The following CHN1 variants were observed in gnomAD, a reference collection of about 807,000 sequenced individuals.
CHN1 encodes chimerin 1, also known as N-chimaerin.
In CHN1, 37 loss-of-function variants were observed where a neutral mutation model predicts 59.5. The observed-to-expected ratio is 0.62, with a 90% confidence interval of 0.48 to 0.82. The LOEUF (loss-of-function observed/expected upper bound fraction) is 0.82, where lower values mean the gene tolerates loss of function less well. CHN1 is among the 40% of genes least tolerant of loss of function. The pLI, the probability that CHN1 is intolerant of heterozygous loss-of-function variation, is 0.00. For missense variants in CHN1, 469 were observed against 571.0 expected (o/e 0.82, Z 1.82); for synonymous variants, 206 against 200.4 (o/e 1.03, Z -0.24).
At chr2:174,886,616 G>A (rs1687902938) in intron 5 of CHN1, among the ~76,000 whole-genome samples, 1 of 152,170 alleles carries the variant, frequency 6.6e-6, no homozygotes, top group Admixed American at 6.5e-5. Flanking sequence ...CATGGGTTTT[G>A]TGATGGGTAT....
At chr2:174,830,360 C>G (rs1685836436) in intron 7 of CHN1, among the ~76,000 whole-genome samples, 2 of 152,148 alleles carry the variant, frequency 1.3e-5, no homozygotes, top group African/African-American at 2.4e-5. Flanking sequence ...GCAAGAAATA[C>G]ATACAAGAGT....
At chr2:174,918,659 T>G in intron 3 of CHN1, 94 bp from the exon 4 acceptor site, 1 of 1,042,130 alleles carries the variant, frequency 9.6e-7, no homozygotes, top group Non-Finnish European at 1.4e-6. Context: ...GTAAAGCATA[T>G]ATTAAAAAAA....
rs562328333 is a variant in CHN1 at position 174,799,325 on chromosome 2, C to T, written c.*791G>A. On this transcript the variant is annotated 3_prime_UTR_variant, in exon 13 of 13. Transcript: ENST00000409900. ...TAAACAAAAGAGGTCAGAAGAAGTA[C>T]TCAGTATTTAATAAATGGCCAAACA... 8.6e-5 allele frequency: 33 copies of T among 382,930 alleles called. No individual in the cohort carries two copies. In the Admixed American group the frequency reaches 1.2e-3, roughly 14 times the overall value. The allele number at this position is 382,930 out of a possible 1,614,324, so 23.7% of individuals were successfully genotyped here.
At chr2:174,863,880 T>A (rs1687137817) in intron 6 of CHN1, among the ~76,000 whole-genome samples, 1 of 152,180 alleles carries the variant, frequency 6.6e-6, no homozygotes, top group Non-Finnish European at 1.5e-5. Flanking sequence ...ACACTGATCG[T>A]CAGCACTTTA....
intron 7 of CHN1, among the ~76,000 whole-genome samples, chr2:174,835,669 C>T (rs1686052606): frequency 6.6e-6 from 1 of 150,548 alleles, no homozygotes; most frequent in East Asian, 1.9e-4. Flanking sequence ...ATCTAATATG[C>T]TGTTAATATA....
chr2:174,888,172 T>C (rs1687945250), intron 5 of CHN1, among the ~76,000 whole-genome samples: 3 of 152,148 alleles, frequency 2.0e-5, no homozygotes, highest in African/African-American at 7.2e-5. Context: ...AACACTTGAG[T>C]CATAAATACA....
chr2:174,875,660 T>C, intron 6 of CHN1: 1 of 212,692 alleles, frequency 4.7e-6, no homozygotes, highest in Non-Finnish European at 8.1e-6. Context: ...CCAACACTTT[T>C]GGCCTCTGAG....
chr2:174,864,567 C>G (rs375227193), intron 6 of CHN1, among the ~76,000 whole-genome samples: 1 of 152,074 alleles, frequency 6.6e-6, no homozygotes, highest in Admixed American at 6.6e-5. Context: ...AAGTATACTG[C>G]TATTTAAAAT....
intron 1 of CHN1, among the ~76,000 whole-genome samples, chr2:174,967,102 T>A (rs1051062446): frequency 1.3e-5 from 2 of 152,098 alleles, no homozygotes; most frequent in African/African-American, 4.8e-5. Flanking sequence ...CCCAGCACTT[T>A]GGGAGGCTGA....
intron 5 of CHN1, among the ~76,000 whole-genome samples, chr2:174,895,275 T>A (rs564376644): frequency 7.3e-5 from 11 of 150,438 alleles, no homozygotes; most frequent in Non-Finnish European, 1.5e-4. Context: ...ATGAAGGAAA[T>A]CCTTTCATAT....
chr2:174,845,494 A>C (rs1686476923), intron 7 of CHN1, among the ~76,000 whole-genome samples: 1 of 152,154 alleles, frequency 6.6e-6, no homozygotes, highest in African/African-American at 2.4e-5. Context: ...TGAAAGATGT[A>C]GTGAATGCTA....
intron 1 of CHN1, among the ~76,000 whole-genome samples, chr2:174,978,595 T>A (rs904285793): frequency 1.3e-5 from 2 of 152,218 alleles, no homozygotes; most frequent in African/African-American, 4.8e-5. Context: ...ATTGAGAGAC[T>A]AATCCATTTT....
chr2:174,990,233 CTG>C (rs954929353), intron 1 of CHN1, among the ~76,000 whole-genome samples: 3,011 of 115,708 alleles, frequency 0.026, 105 homozygotes, highest in African/African-American at 0.072. Context: ...TGTGGTGTGT[CTG>C]TGTGTGTGTG....
intron 4 of CHN1, among the ~76,000 whole-genome samples, chr2:174,916,423 G>T (rs188684060): frequency 6.6e-6 from 1 of 152,148 alleles, no homozygotes; most frequent in African/African-American, 2.4e-5. Context: ...AAACATAGGA[G>T]GGTAGAGGGA....
At chr2:174,893,473 A>T (rs1333007915) in intron 5 of CHN1, among the ~76,000 whole-genome samples, 1 of 152,188 alleles carries the variant, frequency 6.6e-6, no homozygotes, top group Non-Finnish European at 1.5e-5. Context: ...AAGAAGACAC[A>T]AATAAATGCG....
chr2:174,961,197 GGAAGGGAGGGAGGGAA>G (rs923163696), intron 1 of CHN1, among the ~76,000 whole-genome samples: 1 of 88,278 alleles, frequency 1.1e-5, no homozygotes, highest in Non-Finnish European at 2.6e-5. Context: ...GGGAAGGGAG[GGAAGGGAGGGAGGGAA>G]GAAGGGAGGG....
In CHN1 at chr2:174,930,999, A is replaced by G. The variant is rs56326317; in HGVS notation, c.115-12434T>C. Among the ~76,000 whole-genome samples, 1,297 of 152,000 alleles carry G rather than the reference A, an allele frequency of 8.5e-3. 25 individuals are homozygous for G. The highest frequency in any genetic ancestry group is 0.03 in the African/African-American group (1,234 of 41,462). On this transcript the variant is annotated intron_variant, in intron 3 of 12. Transcript: ENST00000409900. ...TAGCCAGGATGGTCTCGTACTCCTGACCTCGTGATCTGCCCGCCTCGGCCT... is the reference window on the plus strand; with the variant it reads ...TAGCCAGGATGGTCTCGTACTCCTGGCCTCGTGATCTGCCCGCCTCGGCCT...
At chr2:174,955,351 T>C (rs1055214717) in intron 1 of CHN1, among the ~76,000 whole-genome samples, 3 of 151,828 alleles carry the variant, frequency 2.0e-5, no homozygotes, top group South Asian at 2.1e-4. Context: ...CCAGATGGAA[T>C]TGGAGACCAT....
intron 5 of CHN1, among the ~76,000 whole-genome samples, chr2:174,886,940 C>A (rs959050419): frequency 6.6e-6 from 1 of 152,138 alleles, no homozygotes; most frequent in South Asian, 2.1e-4. Flanking sequence ...GGTCAAGATG[C>A]AGAACATTTC....
Sources: allele counts gnomAD v4.1 joint callset (sites outside exome capture counted in the v4.1 genomes callset), GRCh38; gene constraint gnomAD v4.1.1; transcripts MANE v1.5; gene names NCBI Gene and HGNC (gene_info 2026-07-23, HGNC 2026-07-21).